Variants in FDFT1 observed in about 807,000 individuals in gnomAD.
FDFT1 encodes the protein farnesyl-diphosphate farnesyltransferase 1.
Under a neutral mutation model 46.8 loss-of-function variants are expected in FDFT1, and 68 were observed. That is an observed-to-expected ratio of 1.45 (90% CI 1.19 to 1.78). The LOEUF (loss-of-function observed/expected upper bound fraction) is 1.78. Among genes scored for constraint, FDFT1 ranks in the 40% most tolerant of loss-of-function variants. FDFT1 has a pLI of 0.00. For synonymous variants in FDFT1, 351 were observed against 185.1 expected (o/e 1.90, Z -7.28); for missense variants, 928 against 524.4 (o/e 1.77, Z -7.52).
At chr8:11,798,908 C>A (rs1042758962), upstream of FDFT1, among the ~76,000 whole-genome samples, 2 of 152,176 alleles carry the variant, frequency 1.3e-5, no homozygotes, top group African/African-American at 2.4e-5. Flanking sequence ...TTTATTTCTT[C>A]TAAAGGGTTA....
intron 4 of FDFT1, among the ~76,000 whole-genome samples, chr8:11,823,939 T>G (rs1284983347): frequency 1.3e-5 from 2 of 151,952 alleles, no homozygotes; most frequent in Admixed American, 1.3e-4. Flanking sequence ...AGAGACAGGG[T>G]TTCATCGTGT....
chr8:11,796,163 C>A (rs139562963), intron 1 of FDFT1, among the ~76,000 whole-genome samples: 114 of 152,324 alleles, frequency 7.5e-4, no homozygotes, highest in Middle Eastern at 3.4e-3. Context: ...CAATACAAGG[C>A]TAAACAAAAT....
upstream of FDFT1, among the ~76,000 whole-genome samples, chr8:11,799,672 G>A (rs537519700): frequency 1.3e-5 from 2 of 152,376 alleles, no homozygotes; most frequent in South Asian, 4.1e-4. Context: ...TGTAGGCTGG[G>A]AGCCGTGGCT....
rs71518538 is a variant in FDFT1 at position 11,821,963 on chromosome 8, G to T, written c.510+85G>T. On this transcript the variant is annotated intron_variant, in intron 4 of 7. Transcript: ENST00000220584. ...AGTGAAGCTCAGAACAAGAAAAGTT[G>T]TCCAGTATTTTCAGCCCCTCTGGTT... 7 of 1,517,558 alleles carry T rather than the reference G, an allele frequency of 4.6e-6. No individual in the cohort carries two copies. The South Asian group carries it at 5.7e-5, about 12-fold the overall frequency. The allele number at this position is 1,517,558 out of a possible 1,614,324, so 94.0% of individuals were successfully genotyped here.
In FDFT1 at chr8:11,809,694, T is replaced by A. The variant is rs1230385851; in HGVS notation, c.225T>A (p.Val75=). 2 of 1,613,470 alleles carry A rather than the reference T, an allele frequency of 1.2e-6. No individual in the cohort carries two copies. The highest frequency in any genetic ancestry group is 4.5e-5 in the East Asian group (2 of 44,880). Residue 75 remains valine, a synonymous_variant, in exon 3 of 8, where the codon GTT becomes GTA. Transcript: ENST00000220584. ...ACGCAGTGTGCATATTTTATCTGGT[T>A]CTCCGAGCTCTGGACACACTGGAAG... ...MRNAVCIFYL[V]LRALDTLEDD... is the part of the protein sequence containing the mutation.
chr8:11,828,699 A>G (rs1399253050), intron 5 of FDFT1, among the ~76,000 whole-genome samples: 1 of 152,266 alleles, frequency 6.6e-6, no homozygotes, highest in African/African-American at 2.4e-5. Context: ...ATAAAATGAG[A>G]TGAACTTCTA....
intron 1 of FDFT1, chr8:11,803,545 T>TTA: frequency 8.9e-7 from 1 of 1,129,780 alleles, no homozygotes; most frequent in Admixed American, 3.5e-5. Context: ...ACTTAGATTT[T>TTA]TATCTGCCTC....
chr8:11,798,109 C>T (rs924215236), upstream of FDFT1: 1 of 151,316 alleles, frequency 6.6e-6, no homozygotes, highest in Non-Finnish European at 1.5e-5. Context: ...CGGAGTCTCA[C>T]TTTGTTGCCC....
chr8:11,812,688 C>T (rs532117137), intron 3 of FDFT1, among the ~76,000 whole-genome samples: 1 of 152,274 alleles, frequency 6.6e-6, no homozygotes, highest in Admixed American at 6.5e-5. Flanking sequence ...AGTATGTGGG[C>T]CTCCATTTGT....
exon 1 of FDFT1, chr8:11,795,953 A>G (rs1805517048): frequency 6.6e-6 from 1 of 152,350 alleles, no homozygotes; most frequent in Non-Finnish European, 1.5e-5. Flanking sequence ...TCATTCCTGA[A>G]GTCAGTGAGA....
intron 6 of FDFT1, among the ~76,000 whole-genome samples, 196 bp from the exon 7 acceptor site, chr8:11,831,322 G>C (rs75141057): frequency 6.6e-6 from 1 of 152,190 alleles, no homozygotes. Flanking sequence ...TCTGTGTGTT[G>C]TTGAGAAAGG....
rs186288835 is a variant in FDFT1, at chr8:11,811,004, T to A, written c.381+1154T>A. ...TTGCGGTGCAAAGGCTGTTTCAGAT[T>A]GCTGAGATCAGACCTTAAGTACCAA... On this transcript the variant is annotated intron_variant, in intron 3 of 7. Coordinates refer to ENST00000220584, the MANE Select transcript of FDFT1 (RefSeq NM_004462.5). Among the ~76,000 whole-genome samples, 54 of 150,114 alleles carry A rather than the reference T, an allele frequency of 3.6e-4. No homozygotes were observed. In the East Asian group the frequency reaches 8.0e-3, roughly 22 times the overall value.
At position 11,834,634 on chromosome 8, in the gene FDFT1, T is replaced by G. The variant is rs545505880; in HGVS notation, c.1032+2964T>G. On this transcript the variant is annotated intron_variant, in intron 7 of 7. Transcript: ENST00000220584. ...CTGCCTTTTTTTCCCAAATGATGTT[T>G]TTGCTTTAATGGAAGTTTAGATGTT... Among the ~76,000 whole-genome samples the G allele has an allele frequency of 2.3e-3, 354 of 152,304 alleles. 1 individual carries two copies. The highest frequency in any genetic ancestry group is 7.8e-3 in the African/African-American group (326 of 41,568).
At chr8:11,817,205 C>G (rs1808578550) in intron 3 of FDFT1, among the ~76,000 whole-genome samples, 2 of 152,298 alleles carry the variant, frequency 1.3e-5, no homozygotes, top group African/African-American at 4.8e-5. Flanking sequence ...AGCCTTGCAT[C>G]CCAGGGATGA....
At chr8:11,809,107 A>G (rs1618110) in intron 2 of FDFT1, 724,922 of 1,260,012 alleles carry the variant, frequency 0.58, 210,249 homozygotes, top group East Asian at 0.67. Context: ...TTCAGAGAAG[A>G]GGGGGGAGGG....
intron 5 of FDFT1, among the ~76,000 whole-genome samples, chr8:11,828,447 G>A (rs987305739): frequency 1.3e-5 from 2 of 152,230 alleles, no homozygotes; most frequent in Non-Finnish European, 2.9e-5. Context: ...AAGGGAAGGG[G>A]ATTGTCTGGG....
Position 11,809,719 on chromosome 8 carries a change from GATGAC to G in FDFT1, c.256_260del (p.Met86HisfsTer44). ...TCTCCGAGCTCTGGACACACTGGAA[GATGAC>G]ATGACCATCAGTGTGGAAAAGAAGG... On this transcript the variant is annotated frameshift_variant, in exon 3 of 8. Coordinates refer to ENST00000220584, the MANE Select transcript of FDFT1 (RefSeq NM_004462.5). LOFTEE classifies it high-confidence loss of function. 6.2e-7 allele frequency: 1 copy of G among 1,614,174 alleles called. No homozygotes were observed. Among genetic ancestry groups the G allele is most frequent in the Non-Finnish European group, 8.5e-7 (1 of 1,180,012 alleles).
chr8:11,833,939 G>C (rs974717816), intron 7 of FDFT1, among the ~76,000 whole-genome samples: 1 of 152,216 alleles, frequency 6.6e-6, no homozygotes, highest in Non-Finnish European at 1.5e-5. Context: ...TTAAGCAGTA[G>C]AACCTGTTAA....
At chr8:11,814,498 A>AT (rs1215285208) in intron 3 of FDFT1, among the ~76,000 whole-genome samples, 2 of 152,168 alleles carry the variant, frequency 1.3e-5, no homozygotes, top group Non-Finnish European at 2.9e-5. Context: ...CATACTTTCA[A>AT]TGTTTAACCA....
Sources: allele counts gnomAD v4.1 joint callset (sites outside exome capture counted in the v4.1 genomes callset), GRCh38; gene constraint gnomAD v4.1.1; transcripts MANE v1.5; gene names NCBI Gene and HGNC (gene_info 2026-07-23, HGNC 2026-07-21).